The following GALNT17 variants were observed in gnomAD, a reference collection of about 807,000 sequenced individuals.
The protein encoded by GALNT17 is UDP-GalNAc:polypeptide N-acetylgalactosaminyltransferase-like 3.
GALNT17 carries 29 observed loss-of-function variants against 63.7 expected under a neutral mutation model. The ratio of observed to expected loss-of-function variants is 0.46; its 90% confidence interval spans 0.34 to 0.62. The LOEUF is 0.62. Ranked by LOEUF, GALNT17 falls within the 20% of genes least tolerant of loss-of-function variation. The pLI is 0.01. For missense variants in GALNT17, 603 were observed against 799.6 expected, an observed-to-expected ratio of 0.75 and a Z score of 2.97; for synonymous variants, 305 against 318.3, an observed-to-expected ratio of 0.96 and a Z score of 0.45.
rs57909118 is a variant in GALNT17 at position 71,557,469 on chromosome 7, T to G, written c.963-13816T>G. Among the ~76,000 whole-genome samples the G allele has an allele frequency of 6.0e-3, 918 of 152,284 alleles. 16 individuals carry two copies. The highest frequency in any genetic ancestry group is 0.021 in the African/African-American group (866 of 41,562). ...GGCTGATCCATCTTTCAAGACTTTC[T>G]CTTCACATGAGTCCCCATTCATTCT... On this transcript the variant is annotated intron_variant, in intron 5 of 10. Coordinates refer to ENST00000333538, the MANE Select transcript of GALNT17 (RefSeq NM_022479.3).
intron 8 of GALNT17, among the ~76,000 whole-genome samples, chr7:71,674,387 C>A (rs1009914586): frequency 7.9e-5 from 12 of 151,922 alleles, no homozygotes; most frequent in Non-Finnish European, 5.9e-5. Context: ...GCTCTGTTGC[C>A]CAGGCTACAG....
intron 5 of GALNT17, among the ~76,000 whole-genome samples, chr7:71,544,256 C>T (rs1165326810): frequency 2.6e-5 from 4 of 150,976 alleles, no homozygotes; most frequent in Non-Finnish European, 3.0e-5. Flanking sequence ...CTCAGCCTCC[C>T]GAGTAGCTGG....
chr7:71,262,491 G>A (rs910329677), intron 1 of GALNT17, among the ~76,000 whole-genome samples: 6 of 152,004 alleles, frequency 3.9e-5, no homozygotes, highest in African/African-American at 1.5e-4. Flanking sequence ...CAATTCTTGG[G>A]AACTATTATG....
chr7:71,301,972 A>T (rs1476949135), intron 1 of GALNT17, among the ~76,000 whole-genome samples: 1 of 152,182 alleles, frequency 6.6e-6, no homozygotes, highest in Non-Finnish European at 1.5e-5. Flanking sequence ...ATCACAAACC[A>T]TGTGTCTTAT....
At chr7:71,271,132 G>A (rs1157031140) in intron 1 of GALNT17, among the ~76,000 whole-genome samples, 1 of 152,212 alleles carries the variant, frequency 6.6e-6, no homozygotes, top group Non-Finnish European at 1.5e-5. Context: ...CATTCCAAAT[G>A]TGTTAGAGCA....
intron 2 of GALNT17, among the ~76,000 whole-genome samples, chr7:71,360,160 A>T (rs1464328198): frequency 6.6e-6 from 1 of 152,214 alleles, no homozygotes; most frequent in Non-Finnish European, 1.5e-5. Flanking sequence ...ACATGATCCA[A>T]CCAAATATGA....
chr7:71,320,400 C>T (rs1220310260), intron 1 of GALNT17, among the ~76,000 whole-genome samples: 1 of 135,970 alleles, frequency 7.4e-6, no homozygotes, highest in African/African-American at 2.8e-5. Flanking sequence ...CTGTGCCCAG[C>T]TAATTTTGAA....
At chr7:71,420,881 T>G in intron 4 of GALNT17, 27 bp from the exon 5 acceptor site, 1 of 1,581,690 alleles carries the variant, frequency 6.3e-7, no homozygotes, top group Non-Finnish European at 8.6e-7. Context: ...AGAAGAGAGG[T>G]TTCATGTCTA....
At chr7:71,313,948 T>C (rs1050858679) in intron 1 of GALNT17, among the ~76,000 whole-genome samples, 11 of 152,080 alleles carry the variant, frequency 7.2e-5, no homozygotes, top group Non-Finnish European at 1.6e-4. Flanking sequence ...TCATGTGAGA[T>C]GTCAGGAAAA....
At chr7:71,525,877 C>T (rs1256112924) in intron 5 of GALNT17, among the ~76,000 whole-genome samples, 1 of 151,106 alleles carries the variant, frequency 6.6e-6, no homozygotes, top group Non-Finnish European at 1.5e-5. Flanking sequence ...CTGCTTGGGA[C>T]TACAGGTGTG....
At position 71,450,000 on chromosome 7, in the gene GALNT17, C is replaced by A. The variant is rs1285757847; in HGVS notation, c.962+28895C>A. On this transcript the variant is annotated intron_variant, in intron 5 of 10. Transcript: ENST00000333538. ...GAAGTTGTGGTGAGCCGAGATCGTG[C>A]CATCGCACTCCAGCCTGGGCAACAA... is the stretch of plus-strand genomic sequence containing the variant. 2.0e-5 allele frequency among the ~76,000 whole-genome samples: 3 copies of A among 149,584 alleles called. No individual in the cohort carries two copies. In the East Asian group the frequency reaches 6.3e-4, roughly 31 times the overall value.
At chr7:71,403,187 A>T (rs906948801) in intron 3 of GALNT17, among the ~76,000 whole-genome samples, 2 of 152,226 alleles carry the variant, frequency 1.3e-5, no homozygotes, top group Non-Finnish European at 2.9e-5. Context: ...CAAGAAGAAC[A>T]ACAACAAAAC....
At chr7:71,623,163 C>G (rs974285961) in intron 6 of GALNT17, among the ~76,000 whole-genome samples, 3 of 152,150 alleles carry the variant, frequency 2.0e-5, no homozygotes, top group African/African-American at 7.2e-5. Context: ...AATCATCAAA[C>G]TTCCTGAATG....
chr7:71,386,601 C>T lies in GALNT17; in HGVS notation c.423-1634C>T, dbSNP rs1792949652. Among the ~76,000 whole-genome samples, 3 of 152,288 alleles carry T rather than the reference C, an allele frequency of 2.0e-5. No homozygotes were observed. In the South Asian group the frequency reaches 6.2e-4, roughly 32 times the overall value. ...TCCCCGGGTACTAAATCATCTCTTA[C>T]ATCACCTGGAGCCGTGGAGAAGGCC... On this transcript the variant is annotated intron_variant, in intron 2 of 10. Transcript: ENST00000333538.
chr7:71,256,415 A>T (rs999731046), intron 1 of GALNT17, among the ~76,000 whole-genome samples: 1 of 152,180 alleles, frequency 6.6e-6, no homozygotes, highest in Non-Finnish European at 1.5e-5. Context: ...TACAAAAAAT[A>T]CAAAAATTAG....
At position 71,647,229 on chromosome 7, in the gene GALNT17, A is replaced by ATTTTTTTT. The variant is rs5884850; in HGVS notation, c.1081-18178_1081-18171dup. On this transcript the variant is annotated intron_variant, in intron 6 of 10. Coordinates refer to ENST00000333538, the MANE Select transcript of GALNT17 (RefSeq NM_022479.3). Reference sequence around the variant, plus strand: ...CAGGTGCCCACCACTGTGCCCAGCTATTTTTTTTTTTGTATTTTTAGTAGA... The same window carrying ATTTTTTTT: ...CAGGTGCCCACCACTGTGCCCAGCTATTTTTTTTTTTTTTTTTTTGTATTTTTAGTAGA... Among the ~76,000 whole-genome samples, 16 of 137,534 alleles carry ATTTTTTTT rather than the reference A, an allele frequency of 1.2e-4. 1 individual carries two copies. Among genetic ancestry groups the ATTTTTTTT allele is most frequent in the African/African-American group, 3.4e-4 (11 of 32,166 alleles). 90.2% of individuals were successfully genotyped at this position (137,534 alleles called of 152,430 possible).
intron 6 of GALNT17, among the ~76,000 whole-genome samples, chr7:71,626,466 AC>A (rs1214740438): frequency 2.6e-5 from 4 of 152,184 alleles, no homozygotes; most frequent in Non-Finnish European, 5.9e-5. Context: ...AGCAGACTAT[AC>A]ACACTATTTA....
intron 1 of GALNT17, among the ~76,000 whole-genome samples, chr7:71,324,413 G>A (rs2116025357): frequency 6.6e-6 from 1 of 152,274 alleles, no homozygotes; most frequent in East Asian, 1.9e-4. Flanking sequence ...CACTTTGGGA[G>A]GCTGAGGTGG....
chr7:71,297,629 G>T (rs756661467), intron 1 of GALNT17, among the ~76,000 whole-genome samples: 1 of 152,146 alleles, frequency 6.6e-6, no homozygotes, highest in Non-Finnish European at 1.5e-5. Context: ...AGGACACTTG[G>T]ATTAGAATGT....
Sources: gnomAD v4.1 joint callset for allele counts (sites outside exome capture counted in the v4.1 genomes callset) on GRCh38, gnomAD v4.1.1 for gene constraint, MANE v1.5 for transcripts, NCBI Gene and HGNC (gene_info 2026-07-23, HGNC 2026-07-21) for gene names.